The following DNM1L variants were observed in gnomAD, a reference collection of about 807,000 sequenced individuals.
DNM1L encodes the protein dynamin 1L.
In DNM1L, 33 loss-of-function variants were observed where a neutral mutation model predicts 92.8. The observed-to-expected ratio is 0.36, with a 90% CI of 0.27 to 0.48. The LOEUF (loss-of-function observed/expected upper bound fraction) is 0.48. Ranked by LOEUF, DNM1L falls within the 20% of genes least tolerant of loss-of-function variation. The pLI is 0.99. For synonymous variants in DNM1L, 284 were observed against 305.0 expected, an observed-to-expected ratio of 0.93 and a Z score of 0.72; for missense variants, 485 against 888.8, an observed-to-expected ratio of 0.55 and a Z score of 5.78.
At chr12:32,742,093 T>C (rs1346186233) in intron 18 of DNM1L, among the ~76,000 whole-genome samples, 1 of 152,102 alleles carries the variant, frequency 6.6e-6, no homozygotes, top group Non-Finnish European at 1.5e-5. Flanking sequence ...AGGTAAAGTA[T>C]CAAGAATTGT....
rs552619703 is a variant in DNM1L, at chr12:32,711,754, G to C, written c.456+739G>C. 2.0e-5 allele frequency among the ~76,000 whole-genome samples: 3 copies of C among 152,126 alleles called. No individual in the cohort carries two copies. The South Asian group carries it at 6.2e-4, about 32-fold the overall frequency. ...TACAAAAAATACAAAAATTAGTCGG[G>C]CATGGTGGTGCACACATGTAGTCCC... On this transcript the variant is annotated intron_variant, in intron 5 of 19. Transcript: ENST00000549701.
intron 7 of DNM1L, 87 bp downstream of exon 7, chr12:32,718,850 A>G (rs1953668713): frequency 2.6e-6 from 4 of 1,562,296 alleles, no homozygotes; most frequent in Non-Finnish European, 3.5e-6. Flanking sequence ...CTGAATTTCT[A>G]AAATCTGTTT....
chr12:32,714,592 T>C (rs1326164099), intron 6 of DNM1L, among the ~76,000 whole-genome samples: 1 of 152,034 alleles, frequency 6.6e-6, no homozygotes, highest in African/African-American at 2.4e-5. Flanking sequence ...ATATTTCAAG[T>C]TTTTAAGAAA....
intron 18 of DNM1L, 125 bp downstream of exon 18, chr12:32,740,643 GAT>G: frequency 1.2e-6 from 1 of 865,502 alleles, no homozygotes; most frequent in East Asian, 2.7e-5. Context: ...TGGATTTTCT[GAT>G]AGTCCTTGGG....
At position 32,709,273 on chromosome 12, in the gene DNM1L, C is replaced by T. The variant is rs181718069; in HGVS notation, c.369+1049C>T. ...GAAACTAGATTAGCTTATCGTCATT[C>T]CTCTAATTATATCAGGGATATTTTT... On this transcript the variant is annotated intron_variant, in intron 4 of 19. Transcript: ENST00000549701. 5.3e-5 allele frequency among the ~76,000 whole-genome samples: 8 copies of T among 152,170 alleles called. No individual in the cohort carries two copies. The East Asian group carries it at 1.5e-3, about 29-fold the overall frequency.
chr12:32,741,210 A>C (rs986585483), intron 18 of DNM1L, among the ~76,000 whole-genome samples: 2 of 152,172 alleles, frequency 1.3e-5, no homozygotes, highest in African/African-American at 4.8e-5. Flanking sequence ...CTTGTAGTAG[A>C]AATAACAGTT....
intron 2 of DNM1L, among the ~76,000 whole-genome samples, chr12:32,702,310 T>C (rs1056561702): frequency 4.0e-5 from 6 of 150,662 alleles, no homozygotes; most frequent in African/African-American, 1.5e-4. Flanking sequence ...ATTGAAAATA[T>C]ATTAGGGAAT....
At chr12:32,729,595 G>A (rs900628667) in intron 9 of DNM1L, among the ~76,000 whole-genome samples, 1 of 151,966 alleles carries the variant, frequency 6.6e-6, no homozygotes, top group Non-Finnish European at 1.5e-5. Flanking sequence ...GACTACAGGT[G>A]CCCACCACCA....
chr12:32,743,227 T>C lies in DNM1L; in HGVS notation c.2155-127T>C, dbSNP rs918692209. 9 of 777,764 alleles carry C rather than the reference T, an allele frequency of 1.2e-5. No homozygotes were observed. In the African/African-American group the frequency reaches 1.6e-4, roughly 14 times the overall value. 48.2% of individuals were successfully genotyped at this position (777,764 alleles called of 1,614,324 possible). A position where few individuals can be genotyped will look rare whatever the true frequency, so the allele number is the denominator to read the frequency against. On this transcript the variant is annotated intron_variant, in intron 19 of 19. Coordinates refer to ENST00000549701, the MANE Select transcript of DNM1L (RefSeq NM_012062.5). The stretch of plus-strand genomic sequence containing the variant: ...GATTAGATTCTAATTCCAGAGAAGA[T>C]ATTGGTTAGTATAAACTGGTTAGTT...
At position 32,735,339 on chromosome 12, in the gene DNM1L, C is replaced by T. The variant is rs188118689; in HGVS notation, c.1539+1532C>T. 6.6e-5 allele frequency among the ~76,000 whole-genome samples: 10 copies of T among 152,286 alleles called. No homozygotes were observed. In the East Asian group the frequency reaches 1.5e-3, roughly 24 times the overall value. On this transcript the variant is annotated intron_variant, in intron 13 of 19. Coordinates refer to ENST00000549701, the MANE Select transcript of DNM1L (RefSeq NM_012062.5). ...TCCAGTTAGCAAAGCAGGTACTCCA[C>T]ATCTGCTGGGGTCCAGGAGCAGCTC...
chr12:32,741,433 GCA>G, intron 18 of DNM1L, among the ~76,000 whole-genome samples: 1 of 152,120 alleles, frequency 6.6e-6, no homozygotes, highest in Non-Finnish European at 1.5e-5. Flanking sequence ...TAACAGGTGT[GCA>G]CCACCATGCC....
At chr12:32,701,222 G>C in intron 1 of DNM1L, among the ~76,000 whole-genome samples, 193 bp from the exon 2 acceptor site, 1 of 151,424 alleles carries the variant, frequency 6.6e-6, no homozygotes, top group Non-Finnish European at 1.5e-5. Flanking sequence ...GTTGCAGTGA[G>C]CCGAGATCGT....
chr12:32,710,414 T>C (rs1406594144), intron 4 of DNM1L, among the ~76,000 whole-genome samples: 1 of 152,194 alleles, frequency 6.6e-6, no homozygotes, highest in Non-Finnish European at 1.5e-5. Context: ...AGGAATGGCA[T>C]ATGCCAGCCT....
chr12:32,711,171 G>T, intron 5 of DNM1L, 156 bp downstream of exon 5: 1 of 680,494 alleles, frequency 1.5e-6, no homozygotes, highest in South Asian at 1.6e-5. Context: ...TTCTTTACTT[G>T]GCTTCCAGGA....
chr12:32,738,063 C>T, intron 15 of DNM1L, 121 bp downstream of exon 15: 2 of 1,154,984 alleles, frequency 1.7e-6, no homozygotes, highest in Non-Finnish European at 2.5e-6. Context: ...GGTCAGATCA[C>T]TTTAGTCTAA....
chr12:32,729,985 T>C (rs1267835374), intron 9 of DNM1L, among the ~76,000 whole-genome samples: 1 of 152,156 alleles, frequency 6.6e-6, no homozygotes, highest in Non-Finnish European at 1.5e-5. Flanking sequence ...TCAGATGGAC[T>C]TGAATTTAAA....
At chr12:32,714,520 C>T (rs1459514441) in intron 6 of DNM1L, among the ~76,000 whole-genome samples, 1 of 151,846 alleles carries the variant, frequency 6.6e-6, no homozygotes, top group Non-Finnish European at 1.5e-5. Context: ...GATCCGCCCG[C>T]CTCGGCCTCC....
rs2137612122 is a variant in DNM1L at position 32,742,692 on chromosome 12, C to T, written c.2098C>T (p.Leu700=). The T allele has an allele frequency of 6.2e-7, 1 of 1,614,068 alleles. No individual in the cohort carries two copies. The highest frequency in any genetic ancestry group is 8.5e-7 in the Non-Finnish European group (1 of 1,180,020). ...TAAATCATCCTTATTGGATGATCTTCTGACAGAATCTGAGGACATGGCACA... is the reference window on the plus strand; with the variant it reads ...TAAATCATCCTTATTGGATGATCTTTTGACAGAATCTGAGGACATGGCACA... ...LYKSSLLDDL[L]TESEDMAQRR... Residue 700 remains leucine, a synonymous_variant, in exon 19 of 20, where the codon CTG becomes TTG. Coordinates refer to ENST00000549701, the MANE Select transcript of DNM1L (RefSeq NM_012062.5).
chr12:32,743,570 C>T lies in DNM1L; in HGVS notation c.*160C>T, dbSNP rs1232885018. ...GAAAAGTGTATTCCAAATTGCAGAACACATCACACATTTAATCCAAATAAT... is the reference window on the plus strand; with the variant it reads ...GAAAAGTGTATTCCAAATTGCAGAATACATCACACATTTAATCCAAATAAT... On this transcript the variant is annotated 3_prime_UTR_variant, in exon 20 of 20. Transcript: ENST00000549701. 2 of 651,564 alleles carry T rather than the reference C, an allele frequency of 3.1e-6. No homozygotes were observed. The highest frequency in any genetic ancestry group is 5.4e-6 in the Non-Finnish European group (2 of 373,346). 40.4% of individuals were successfully genotyped at this position (651,564 alleles called of 1,614,324 possible).
Sources: gnomAD v4.1 joint callset for allele counts (sites outside exome capture counted in the v4.1 genomes callset) on GRCh38, gnomAD v4.1.1 for gene constraint, MANE v1.5 for transcripts, NCBI Gene and HGNC (gene_info 2026-07-23, HGNC 2026-07-21) for gene names.